The following PXDN variants were observed in gnomAD, a reference collection of about 807,000 sequenced individuals.
PXDN encodes peroxidasin homolog.
In PXDN, 77 loss-of-function variants were observed where a neutral mutation model predicts 140.3. The observed-to-expected ratio is 0.55, with a 90% confidence interval of 0.46 to 0.66. PXDN has a LOEUF of 0.66. Ranked by LOEUF, PXDN falls within the 30% of genes least tolerant of loss-of-function variation. The pLI, the probability that PXDN is intolerant of heterozygous loss-of-function variation, is 0.00. For synonymous variants in PXDN, 911 were observed against 857.4 expected (o/e 1.06, Z -1.09); for missense variants, 1,838 against 2,039.5 (o/e 0.90, Z 1.90).
chr2:1,711,171 A>G (rs1327052136), intron 1 of PXDN, among the ~76,000 whole-genome samples: 1 of 59,714 alleles, frequency 1.7e-5, no homozygotes, highest in Non-Finnish European at 3.2e-5. Context: ...ACCAGCACCC[A>G]CTCTCCACCA....
intron 14 of PXDN, among the ~76,000 whole-genome samples, chr2:1,658,254 C>T (rs1683214182): frequency 1.3e-5 from 2 of 152,046 alleles, no homozygotes; most frequent in Admixed American, 1.3e-4. Flanking sequence ...TTCAAATTTA[C>T]ACCATCGTCC....
chr2:1,676,094 G>A (rs553425245), intron 8 of PXDN, among the ~76,000 whole-genome samples: 115 of 152,176 alleles, frequency 7.6e-4, no homozygotes, highest in African/African-American at 2.6e-3. Flanking sequence ...GGTGCCTTCC[G>A]GCAATCTGAC....
rs761889364 is a variant in PXDN at position 1,649,141 on chromosome 2, C to T, written c.2639G>A (p.Arg880His). The change falls in exon 17 of 23, where the codon CGC becomes CAC. Residue 880 changes from arginine to histidine, a missense_variant. Coordinates refer to ENST00000252804, the MANE Select transcript of PXDN (RefSeq NM_012293.3). This position sits in a 1 kb window ranked among gnomAD's most constrained non-coding sequence, Gnocchi z 7.1. Reference protein sequence around the residue: ...RSGARCMFFVRSSPVCGSGMT... With the variant: ...RSGARCMFFVHSSPVCGSGMT... Reference sequence around the variant, plus strand: ...GCCGCTGCCGCACACAGGGCTGGAGCGCACGAAGAACATGCAGCGGGCCCC... The same window carrying T: ...GCCGCTGCCGCACACAGGGCTGGAGTGCACGAAGAACATGCAGCGGGCCCC... The T allele has an allele frequency of 1.2e-6, 2 of 1,612,570 alleles. No homozygotes were observed. Among genetic ancestry groups the T allele is most frequent in the East Asian group, 2.2e-5 (1 of 44,822 alleles).
chr2:1,634,288 G>A lies in PXDN; in HGVS notation c.4356C>T (p.Pro1452=). ...TCACGGGGACAGCACAGGTGGCAGG[G>A]GGGCAAGCTTCCACGAAGCAGGTGA... The part of the protein sequence containing the change: ...GQVTCFVEAC[P]PATCAVPVNI... Residue 1452 remains proline (P), a synonymous_variant, in exon 23 of 23, where the codon CCC becomes CCT. Transcript: ENST00000252804. 6.2e-7 allele frequency: 1 copy of A among 1,604,968 alleles called. No homozygotes were observed. Among genetic ancestry groups the A allele is most frequent in the Non-Finnish European group, 8.5e-7 (1 of 1,175,960 alleles).
chr2:1,656,767 T>C (rs1683145741), intron 14 of PXDN, among the ~76,000 whole-genome samples: 2 of 126,266 alleles, frequency 1.6e-5, no homozygotes, highest in South Asian at 2.9e-4. Flanking sequence ...CTGGGATCTG[T>C]CCCCTCCTGA....
rs1362070196 is a variant in PXDN, at chr2:1,660,991, T to C, written c.1727A>G (p.Glu576Gly). The stretch of plus-strand genomic sequence containing the variant: ...AACGTCATTGATGGTCAAGAATCCT[T>C]CAGGGCTGATGTGAAATTTTCCACT... ...TESGKFHISPEGFLTINDVGP... is the reference protein window; with the variant it reads ...TESGKFHISPGGFLTINDVGP... The change falls in exon 14 of 23, where the codon GAA becomes GGA. Residue 576 changes from glutamate (E) to glycine (G), a missense_variant. Transcript: ENST00000252804. The surrounding 1 kb of genome is among the most constrained non-coding windows in gnomAD (Gnocchi z 4.6). The C allele has an allele frequency of 6.2e-7, 1 of 1,613,886 alleles. No homozygotes were observed. The highest frequency in any genetic ancestry group is 8.5e-7 in the Non-Finnish European group (1 of 1,179,904).
rs1236892786 is a variant in PXDN, at chr2:1,685,862, T to C, written c.417-1711A>G. 1.3e-5 allele frequency among the ~76,000 whole-genome samples: 2 copies of C among 151,982 alleles called. No homozygotes were observed. The highest frequency in any genetic ancestry group is 4.8e-5 in the African/African-American group (2 of 41,366). On this transcript the variant is annotated intron_variant, in intron 4 of 22. Transcript: ENST00000252804. The surrounding 1 kb of genome is among the most constrained non-coding windows in gnomAD (Gnocchi z 5.1). ...AGGAAACAGGACCAAAGACAGGAAA[T>C]GGCTCCCCAAGTATACTGAGGTCAT...
At chr2:1,744,086 C>T (rs1205621313) in intron 1 of PXDN, among the ~76,000 whole-genome samples, 170 bp downstream of exon 1, 1 of 151,908 alleles carries the variant, frequency 6.6e-6, no homozygotes, top group East Asian at 2.0e-4. Flanking sequence ...GCGCCCAGGT[C>T]CCCCCACGTC....
At chr2:1,724,112 C>T (rs1388319264) in intron 1 of PXDN, among the ~76,000 whole-genome samples, 2 of 152,168 alleles carry the variant, frequency 1.3e-5, no homozygotes, top group African/African-American at 2.4e-5. Context: ...CAGACACTGT[C>T]GCATTTTGTC....
At position 1,651,554 on chromosome 2, in the gene PXDN, TCTC is replaced by T. The variant is rs1683014642; in HGVS notation, c.2105-1882_2105-1880del. ...CAGGCCCTTTCTGGTGGAGCACAAA[TCTC>T]CTTAACTTTATCAGCCCTTCCTCAC... On this transcript the variant is annotated intron_variant, in intron 16 of 22. Transcript: ENST00000252804. The surrounding 1 kb of genome is among the most constrained non-coding windows in gnomAD (Gnocchi z 4.4). Among the ~76,000 whole-genome samples, 1 of 152,094 alleles carries T rather than the reference TCTC, an allele frequency of 6.6e-6. No homozygotes were observed. The highest frequency in any genetic ancestry group is 2.1e-4 in the South Asian group (1 of 4,818).
intron 2 of PXDN, 117 bp from the exon 3 acceptor site, chr2:1,692,116 G>T (rs530596992): frequency 8.2e-6 from 6 of 731,680 alleles, no homozygotes; most frequent in Non-Finnish European, 1.3e-5. Context: ...TTACAGCCTC[G>T]CCATCAACAT....
intron 7 of PXDN, among the ~76,000 whole-genome samples, chr2:1,679,649 G>T (rs1438821796): frequency 6.8e-6 from 1 of 146,192 alleles, no homozygotes. Flanking sequence ...TCTATAAATG[G>T]TGTGTGTGTA....
chr2:1,653,842 T>C, intron 15 of PXDN, 57 bp from the exon 16 acceptor site: 5 of 1,453,246 alleles, frequency 3.4e-6, no homozygotes, highest in South Asian at 2.7e-5. Flanking sequence ...GAAGATAAAA[T>C]TCATAGTACC....
chr2:1,744,518 C>G, upstream of PXDN: 1 of 1,288,244 alleles, frequency 7.8e-7, no homozygotes, highest in Non-Finnish European at 9.8e-7. Context: ...CCGACTGCGC[C>G]CGCCCGGCCG....
chr2:1,683,406 A>G (rs1683962210), intron 6 of PXDN, among the ~76,000 whole-genome samples: 1 of 74,014 alleles, frequency 1.4e-5, no homozygotes, highest in South Asian at 4.8e-4. Flanking sequence ...ACAGAGCAAG[A>G]CCCTATCTGA....
intron 1 of PXDN, among the ~76,000 whole-genome samples, chr2:1,728,496 A>C (rs2125487681): frequency 6.6e-6 from 1 of 152,368 alleles, no homozygotes; most frequent in South Asian, 2.1e-4. Context: ...GAATGGGGAA[A>C]AATCGGAGTC....
At chr2:1,684,728 G>T (rs1684009680) in intron 4 of PXDN, among the ~76,000 whole-genome samples, 1 of 152,190 alleles carries the variant, frequency 6.6e-6, no homozygotes, top group Admixed American at 6.5e-5. Context: ...GTCGTTGATT[G>T]TACAGAATAC....
Position 1,654,449 on chromosome 2 carries a change from CA to C in PXDN, c.1896del (p.Ile632MetfsTer8), listed in dbSNP as rs1326293208. 2 of 1,613,878 alleles carry C rather than the reference CA, an allele frequency of 1.2e-6. No individual in the cohort carries two copies. Among genetic ancestry groups the C allele is most frequent in the Non-Finnish European group, 1.7e-6 (2 of 1,179,762 alleles). On this transcript the variant is annotated frameshift_variant, in exon 15 of 23. Transcript: ENST00000252804. LOFTEE classifies it high-confidence loss of function. ...PFVATSIVEA[I>X]ATVDRAINST... The stretch of plus-strand genomic sequence containing the variant: ...GAGTTTATAGCTCTGTCAACAGTCG[CA>C]ATCGCTTCCACGATGGAGGTAGCTA...
At position 1,648,339 on chromosome 2, in the gene PXDN, T is replaced by C. The variant is rs773884838; in HGVS notation, c.3441A>G (p.Ala1147=). The C allele has an allele frequency of 6.2e-7, 1 of 1,613,778 alleles. No individual in the cohort carries two copies. The highest frequency in any genetic ancestry group is 8.5e-7 in the Non-Finnish European group (1 of 1,179,892). ...CCGCCAGGTCCAGAGCCACCGTGTG[T>C]GCCATGGAGAACAGCCGCTCCGTGA... ...TELTERLFSM[A]HTVALDLAAI... is the part of the protein sequence containing the mutation. The change falls in exon 17 of 23, where the codon GCA becomes GCG. Residue 1147 remains alanine (A), a synonymous_variant. Coordinates refer to ENST00000252804, the MANE Select transcript of PXDN (RefSeq NM_012293.3). The surrounding 1 kb of genome is among the most constrained non-coding windows in gnomAD (Gnocchi z 8.9).
Sources: gnomAD v4.1 joint callset for allele counts (sites outside exome capture counted in the v4.1 genomes callset) on GRCh38, gnomAD v4.1.1 for gene constraint, Gnocchi (gnomAD v3.1) non-coding constraint, MANE v1.5 for transcripts, NCBI Gene and HGNC (gene_info 2026-07-23, HGNC 2026-07-21) for gene names.